Variants in ANKRD24 observed in about 807,000 individuals in gnomAD.
ANKRD24 encodes ankyrin repeat domain 24, also known as ankyrin repeat domain-containing protein 24.
ANKRD24 carries 109 observed loss-of-function variants against 127.8 expected under a neutral mutation model. That is an observed-to-expected ratio of 0.85 (90% confidence interval 0.73 to 1.00). The LOEUF (loss-of-function observed/expected upper bound fraction) is 1.00. Among genes scored for constraint, ANKRD24 ranks in the 50% least tolerant of loss-of-function variants. ANKRD24 has a pLI of 0.00. For missense variants in ANKRD24, 1,648 were observed against 1,570.2 expected, an observed-to-expected ratio of 1.05 and a Z score of -0.84; for synonymous variants, 743 against 671.1, an observed-to-expected ratio of 1.11 and a Z score of -1.66.
chr19:4,207,557 TCTC>T lies in ANKRD24; in HGVS notation c.597_599del (p.Leu201del), dbSNP rs1319498919. The T allele has an allele frequency of 6.2e-7, 1 of 1,613,876 alleles. No individual in the cohort carries two copies. Among genetic ancestry groups the T allele is most frequent in the African/African-American group, 1.3e-5 (1 of 75,016 alleles). ...AGATGTGTCACACAGACCTGTGCCG[TCTC>T]CTACTGCAGCAAGGGGCTGCCGCGA... On this transcript the variant is annotated inframe_deletion, in exon 9 of 22. Coordinates refer to ENST00000318934, the MANE Select transcript of ANKRD24 (RefSeq NM_001393985.1).
intron 13 of ANKRD24, 43 bp from the exon 14 acceptor site, chr19:4,212,432 C>T: frequency 1.3e-6 from 2 of 1,565,972 alleles, no homozygotes; most frequent in Non-Finnish European, 8.6e-7. Flanking sequence ...GCAGGGAGGC[C>T]TCTTGCCCAG....
Position 4,199,766 on chromosome 19 carries a change from C to A in ANKRD24, c.120C>A (p.Arg40=). ...PIPKPAARGR[R]QSQDWGKSDE... Reference sequence around the variant, plus strand: ...CGAAGCCGGCAGCCAGAGGCAGGCGCCAGGCAAGTGCCCAGGGGCAGGTGG... The same window carrying A: ...CGAAGCCGGCAGCCAGAGGCAGGCGACAGGCAAGTGCCCAGGGGCAGGTGG... The change falls in exon 3 of 22, where the codon CGC becomes CGA. Residue 40 remains arginine (R), a synonymous_variant. Coordinates refer to ENST00000318934, the MANE Select transcript of ANKRD24 (RefSeq NM_001393985.1). The surrounding 1 kb of genome is among the most constrained non-coding windows in gnomAD (Gnocchi z 5.2). The A allele has an allele frequency of 6.5e-7, 1 of 1,537,166 alleles. No individual in the cohort carries two copies. The highest frequency in any genetic ancestry group is 8.7e-7 in the Non-Finnish European group (1 of 1,143,978).
At chr19:4,183,167 A>G (rs917179110) in intron 1 of ANKRD24, among the ~76,000 whole-genome samples, 3 of 151,796 alleles carry the variant, frequency 2.0e-5, no homozygotes, top group Non-Finnish European at 4.4e-5. Flanking sequence ...TTTAGTAGAG[A>G]CGGGGTTTCT....
chr19:4,184,262 C>T (rs1967921531), intron 1 of ANKRD24, among the ~76,000 whole-genome samples: 1 of 152,186 alleles, frequency 6.6e-6, no homozygotes, highest in Admixed American at 6.5e-5. Context: ...CCGGAGCCGG[C>T]AGTGGGCACT....
At chr19:4,223,413 T>A (rs1465269308) in intron 20 of ANKRD24, among the ~76,000 whole-genome samples, 2 of 129,292 alleles carry the variant, frequency 1.5e-5, no homozygotes, top group African/African-American at 6.9e-5. Flanking sequence ...TTTTTTTTTT[T>A]TTTTTTTGAG....
At chr19:4,209,858 G>A (rs1271475236) in intron 11 of ANKRD24, among the ~76,000 whole-genome samples, 200 bp from the exon 12 acceptor site, 21 of 152,230 alleles carry the variant, frequency 1.4e-4, no homozygotes, top group Non-Finnish European at 1.5e-5. Context: ...AGAGAGTAAA[G>A]AGTAAGATCT....
chr19:4,194,764 TG>T (rs747660150), intron 2 of ANKRD24, among the ~76,000 whole-genome samples: 1 of 152,170 alleles, frequency 6.6e-6, no homozygotes, highest in East Asian at 1.9e-4. Flanking sequence ...CCTGCAGTGA[TG>T]GGGCTAGACT....
intron 2 of ANKRD24, among the ~76,000 whole-genome samples, chr19:4,189,864 G>A (rs772642584): frequency 3.9e-5 from 6 of 152,120 alleles, no homozygotes; most frequent in Non-Finnish European, 8.8e-5. Flanking sequence ...CACACAGCTA[G>A]GAAGTGAGAC....
intron 2 of ANKRD24, among the ~76,000 whole-genome samples, chr19:4,190,869 A>G (rs928631819): frequency 3.3e-5 from 5 of 152,374 alleles, no homozygotes; most frequent in Admixed American, 2.0e-4. Context: ...AAACCAAGCC[A>G]TATGATTGCT....
chr19:4,198,663 T>C lies in ANKRD24; in HGVS notation c.37-1020T>C. ...GGGAAAGATGGTCGGCGGCGGGGGG[T>C]GGGGGGGAACAGAGGTTGGGGCAGC... On this transcript the variant is annotated intron_variant, in intron 2 of 21. Coordinates refer to ENST00000318934, the MANE Select transcript of ANKRD24 (RefSeq NM_001393985.1). This position sits in a 1 kb window ranked among gnomAD's most constrained non-coding sequence, Gnocchi z 6.1. The C allele has an allele frequency of 2.6e-6, 1 of 391,216 alleles. No homozygotes were observed. The allele number at this position is 391,216 out of a possible 1,614,324, so 24.2% of individuals were successfully genotyped here. A position where few individuals can be genotyped will look rare whatever the true frequency, so the allele number is the denominator to read the frequency against.
chr19:4,197,982 C>T (rs373968157), intron 2 of ANKRD24, among the ~76,000 whole-genome samples: 3 of 152,118 alleles, frequency 2.0e-5, no homozygotes, highest in Admixed American at 6.5e-5. Context: ...AACGAATGGG[C>T]GAACGAATGA....
rs746576258 is a variant in ANKRD24, at chr19:4,217,408, G to A, written c.2248G>A (p.Ala750Thr). 1.4e-5 allele frequency: 21 copies of A among 1,549,134 alleles called. No homozygotes were observed. In the Admixed American group the frequency reaches 3.8e-4, roughly 28 times the overall value. ...EREAAAELEA[A>T]LGKCEAAEAE... ...GGAGGCAGCTGCGGAGCTGGAGGCG[G>A]CCCTGGGGAAGTGCGAGGCCGCGGA... The change falls in exon 18 of 22, where the codon GCC becomes ACC. Residue 750 changes from alanine (A) to threonine (T), a missense_variant. Coordinates refer to ENST00000318934, the MANE Select transcript of ANKRD24 (RefSeq NM_001393985.1).
intron 2 of ANKRD24, among the ~76,000 whole-genome samples, chr19:4,197,905 A>G (rs1968844898): frequency 6.6e-6 from 1 of 152,208 alleles, no homozygotes; most frequent in African/African-American, 2.4e-5. Flanking sequence ...GAGTGAATGA[A>G]TGAACGAGTG....
At position 4,198,440 on chromosome 19, in the gene ANKRD24, C is replaced by A; in HGVS notation, c.37-1243C>A. The A allele has an allele frequency of 5.0e-6, 3 of 598,992 alleles. No individual in the cohort carries two copies. The highest frequency in any genetic ancestry group is 2.7e-5 in the Admixed American group (1 of 37,062). The allele number at this position is 598,992 out of a possible 1,614,324, so 37.1% of individuals were successfully genotyped here. ...CCGCGGTCCCTCCAGACCCTCTGGC[C>A]GCCGCCTCCTCTTGGAACCCCGTGC... On this transcript the variant is annotated intron_variant, in intron 2 of 21. Transcript: ENST00000318934. The surrounding 1 kb of genome is among the most constrained non-coding windows in gnomAD (Gnocchi z 6.1).
intron 15 of ANKRD24, among the ~76,000 whole-genome samples, chr19:4,213,259 T>TTTCCCTCCCTCCCTCCTTCCCTTCC (rs1969859471): frequency 1.1e-5 from 1 of 90,870 alleles, no homozygotes; most frequent in Non-Finnish European, 2.2e-5. Flanking sequence ...CCTTTCCTTC[T>TTTCCCTCCCTCCCTCCTTCCCTTCC]TTCCTTTCCT....
intron 20 of ANKRD24, among the ~76,000 whole-genome samples, chr19:4,223,372 C>CATATAT (rs59994305): frequency 3.3e-4 from 24 of 72,902 alleles, no homozygotes; most frequent in East Asian, 1.5e-3. Context: ...CCTGGCCATA[C>CATATAT]ATATATATAT....
At chr19:4,196,302 G>A (rs932538338) in intron 2 of ANKRD24, among the ~76,000 whole-genome samples, 7 of 152,244 alleles carry the variant, frequency 4.6e-5, no homozygotes, top group Admixed American at 1.3e-4. Context: ...CTGCTGCGTC[G>A]TTGCTCTTAA....
At position 4,210,108 on chromosome 19, in the gene ANKRD24, G is replaced by T; in HGVS notation, c.921G>T (p.Ala307=). 1.2e-6 allele frequency: 2 copies of T among 1,611,582 alleles called. No homozygotes were observed. The highest frequency in any genetic ancestry group is 2.2e-5 in the East Asian group (1 of 44,786). ...GKQGAPKKRK[A]PPPPASIPMP... ...AGGGGGCCCCCAAGAAGCGGAAGGC[G>T]CCTCCACCTCCCGCCAGCATTCCCA... Residue 307 remains alanine, a synonymous_variant, in exon 12 of 22, where the codon GCG becomes GCT. Transcript: ENST00000318934.
At chr19:4,221,693 G>A (rs1266367438) in intron 19 of ANKRD24, among the ~76,000 whole-genome samples, 1 of 152,170 alleles carries the variant, frequency 6.6e-6, no homozygotes, top group East Asian at 1.9e-4. Context: ...CTCACTGTGG[G>A]ACCTTAGACC....
Sources: allele counts gnomAD v4.1 joint callset (sites outside exome capture counted in the v4.1 genomes callset), GRCh38; gene constraint gnomAD v4.1.1; non-coding constraint Gnocchi (gnomAD v3.1); transcripts MANE v1.5; gene names NCBI Gene and HGNC (gene_info 2026-07-23, HGNC 2026-07-21).